KCNQ1: variants seen among roughly 807,000 people sequenced by gnomAD.
The protein encoded by KCNQ1 is potassium voltage-gated channel subfamily Q member 1.
Under a neutral mutation model 72.4 loss-of-function variants are expected in KCNQ1, and 49 were observed. That is an observed-to-expected ratio of 0.68 (90% confidence interval 0.54 to 0.86). KCNQ1 has a LOEUF of 0.86. Among genes scored for constraint, KCNQ1 ranks in the 40% least tolerant of loss-of-function variants. The pLI is 0.00. For synonymous variants in KCNQ1, 450 were observed against 412.6 expected (o/e 1.09, Z -1.10); for missense variants, 790 against 945.1 (o/e 0.84, Z 2.15).
chr11:2,550,832 C>A lies in KCNQ1; in HGVS notation c.478-19796C>A, dbSNP rs1847972340. 6.6e-6 allele frequency among the ~76,000 whole-genome samples: 1 copy of A among 152,020 alleles called. No homozygotes were observed. Among genetic ancestry groups the A allele is most frequent in the Non-Finnish European group, 1.5e-5 (1 of 67,996 alleles). ...CAGGCTTCACCTAGCACCTGGCTCCCCGGGGGCCCAGATGGCAGGCGAGGG... is the reference window on the plus strand; with the variant it reads ...CAGGCTTCACCTAGCACCTGGCTCCACGGGGGCCCAGATGGCAGGCGAGGG... On this transcript the variant is annotated intron_variant, in intron 2 of 15. Coordinates refer to ENST00000155840, the MANE Select transcript of KCNQ1 (RefSeq NM_000218.3). The surrounding 1 kb of genome is among the most constrained non-coding windows in gnomAD (Gnocchi z 6.0).
rs145283993 is a variant in KCNQ1 at position 2,612,914 on chromosome 11, G to C, written c.1393+24060G>C. The stretch of plus-strand genomic sequence containing the variant: ...CTGTTACTCATTTATTTGTTTGCTC[G>C]CTTGTGTATGCCTTCTCTGCATGGA... On this transcript the variant is annotated intron_variant, in intron 10 of 15. Coordinates refer to ENST00000155840, the MANE Select transcript of KCNQ1 (RefSeq NM_000218.3). This position sits in a 1 kb window ranked among gnomAD's most constrained non-coding sequence, Gnocchi z 5.5. 2.5e-6 allele frequency: 1 copy of C among 398,410 alleles called. No homozygotes were observed. The highest frequency in any genetic ancestry group is 4.4e-6 in the Non-Finnish European group (1 of 226,028). The allele number at this position is 398,410 out of a possible 1,614,324, so 24.7% of individuals were successfully genotyped here.
At position 2,713,009 on chromosome 11, in the gene KCNQ1, A is replaced by G. The variant is rs1471021091; in HGVS notation, c.1514+50928A>G. Among the ~76,000 whole-genome samples the G allele has an allele frequency of 6.6e-6, 1 of 152,194 alleles. No homozygotes were observed. The highest frequency in any genetic ancestry group is 1.5e-5 in the Non-Finnish European group (1 of 68,024). ...ATGAGGAACCAGAGACCTGGTAAGTATGAGGAACCACCCCTTGGCATGGGG... is the reference window on the plus strand; with the variant it reads ...ATGAGGAACCAGAGACCTGGTAAGTGTGAGGAACCACCCCTTGGCATGGGG... On this transcript the variant is annotated intron_variant, in intron 11 of 15. Coordinates refer to ENST00000155840, the MANE Select transcript of KCNQ1 (RefSeq NM_000218.3). The surrounding 1 kb of genome is among the most constrained non-coding windows in gnomAD (Gnocchi z 5.6).
At chr11:2,587,519 C>T (rs373905789) in intron 8 of KCNQ1, 51 bp from the exon 9 acceptor site, 10 of 1,611,882 alleles carry the variant, frequency 6.2e-6, no homozygotes, top group Admixed American at 1.7e-5. Context: ...CCATAAGGGC[C>T]CCCGCCGGGT....
intron 1 of KCNQ1, among the ~76,000 whole-genome samples, chr11:2,460,899 G>A (rs1233483874): frequency 6.6e-6 from 1 of 152,234 alleles, no homozygotes; most frequent in Non-Finnish European, 1.5e-5. Flanking sequence ...GCCTGTGCAG[G>A]TGGCCCTCTT....
chr11:2,790,063 T>C (rs1456492262), intron 15 of KCNQ1, among the ~76,000 whole-genome samples: 3 of 152,158 alleles, frequency 2.0e-5, no homozygotes, highest in Non-Finnish European at 4.4e-5. Context: ...TCATATCCCT[T>C]TGACCACCAG....
rs926819967 is a variant in KCNQ1, at chr11:2,745,830, G to C, written c.1515-23014G>C. Reference sequence around the variant, plus strand: ...GGGCCAGGACCAGGAGCAGGCGGCAGCAGCAAGGCAGCTCATCCTCGGCTG... The same window carrying C: ...GGGCCAGGACCAGGAGCAGGCGGCACCAGCAAGGCAGCTCATCCTCGGCTG... On this transcript the variant is annotated intron_variant, in intron 11 of 15. Transcript: ENST00000155840. This position sits in a 1 kb window ranked among gnomAD's most constrained non-coding sequence, Gnocchi z 6.2. Among the ~76,000 whole-genome samples, 5 of 152,268 alleles carry C rather than the reference G, an allele frequency of 3.3e-5. No individual in the cohort carries two copies. The highest frequency in any genetic ancestry group is 1.2e-4 in the African/African-American group (5 of 41,474).
At chr11:2,662,792 T>C (rs950832121) in intron 11 of KCNQ1, 2 of 398,982 alleles carry the variant, frequency 5.0e-6, no homozygotes, top group Admixed American at 8.8e-5. Flanking sequence ...AATGTCTTTG[T>C]GTCAAGATCT....
intron 15 of KCNQ1, among the ~76,000 whole-genome samples, chr11:2,778,859 G>C (rs1458245622): frequency 6.6e-6 from 1 of 152,146 alleles, no homozygotes; most frequent in Non-Finnish European, 1.5e-5. Context: ...CTTCCATCTC[G>C]GCTGCAGCCG....
chr11:2,669,869 G>C lies in KCNQ1; in HGVS notation c.1514+7788G>C. 1 of 398,630 alleles carries C rather than the reference G, an allele frequency of 2.5e-6. No homozygotes were observed. Among genetic ancestry groups the C allele is most frequent in the Non-Finnish European group, 4.4e-6 (1 of 226,088 alleles). The allele number at this position is 398,630 out of a possible 1,614,324, so 24.7% of individuals were successfully genotyped here. A position where few individuals can be genotyped will look rare whatever the true frequency, so the allele number is the denominator to read the frequency against. ...ACAAATGGGGTCACAACATATGGCT[G>C]TCAGCTGCTGTCCTTAATAAGATGT... On this transcript the variant is annotated intron_variant, in intron 11 of 15. Transcript: ENST00000155840. The surrounding 1 kb of genome is among the most constrained non-coding windows in gnomAD (Gnocchi z 5.6).
chr11:2,619,103 G>A, intron 10 of KCNQ1: 1 of 398,370 alleles, frequency 2.5e-6, no homozygotes, highest in Non-Finnish European at 4.4e-6. Context: ...TCTATATGTA[G>A]GATCATGTCA....
chr11:2,456,082 G>C (rs1261381401), intron 1 of KCNQ1, among the ~76,000 whole-genome samples: 1 of 152,204 alleles, frequency 6.6e-6, no homozygotes, highest in Admixed American at 6.6e-5. Context: ...GCTCATGCCT[G>C]TAATCCTAGC....
intron 11 of KCNQ1, among the ~76,000 whole-genome samples, chr11:2,731,335 G>C (rs1038157882): frequency 1.3e-5 from 2 of 152,214 alleles, no homozygotes; most frequent in African/African-American, 4.8e-5. Context: ...AAATGCCCTC[G>C]TCCCACAGTC....
chr11:2,748,998 G>A lies in KCNQ1; in HGVS notation c.1515-19846G>A, dbSNP rs1185835722. Among the ~76,000 whole-genome samples, 1 of 152,236 alleles carries A rather than the reference G, an allele frequency of 6.6e-6. No homozygotes were observed. The highest frequency in any genetic ancestry group is 1.5e-5 in the Non-Finnish European group (1 of 68,042). On this transcript the variant is annotated intron_variant, in intron 11 of 15. Coordinates refer to ENST00000155840, the MANE Select transcript of KCNQ1 (RefSeq NM_000218.3). This position sits in a 1 kb window ranked among gnomAD's most constrained non-coding sequence, Gnocchi z 6.2. Reference sequence around the variant, plus strand: ...AATGGCGGGAGGGGCGAGGCCTCTGGAGCAAGGAAAGAGAGTGGTGGCTGT... The same window carrying A: ...AATGGCGGGAGGGGCGAGGCCTCTGAAGCAAGGAAAGAGAGTGGTGGCTGT...
At chr11:2,470,418 C>G (rs142170232) in intron 1 of KCNQ1, among the ~76,000 whole-genome samples, 2,372 of 152,100 alleles carry the variant, frequency 0.016, 37 homozygotes, top group South Asian at 0.055. Context: ...TTACAGAAGA[C>G]GTATATTGGA....
rs771408348 is a variant in KCNQ1, at chr11:2,809,348, G to A, written c.1794+31311G>A. On this transcript the variant is annotated intron_variant, in intron 15 of 15. Transcript: ENST00000155840. This position sits in a 1 kb window ranked among gnomAD's most constrained non-coding sequence, Gnocchi z 7.1. Reference sequence around the variant, plus strand: ...CGCTGGACTCATCGTGGGTTTTTGCGGTCTTCTCTCAGCTTTGTGTGGTAG... The same window carrying A: ...CGCTGGACTCATCGTGGGTTTTTGCAGTCTTCTCTCAGCTTTGTGTGGTAG... 6.6e-6 allele frequency among the ~76,000 whole-genome samples: 1 copy of A among 152,124 alleles called. No homozygotes were observed. Among genetic ancestry groups the A allele is most frequent in the South Asian group, 2.1e-4 (1 of 4,816 alleles).
chr11:2,660,077 C>G (rs1021121831), intron 10 of KCNQ1: 7 of 398,226 alleles, frequency 1.8e-5, no homozygotes, highest in African/African-American at 1.2e-4. Flanking sequence ...TTTTCTCTTA[C>G]GAGTTAAACT....
Position 2,767,966 on chromosome 11 carries a change from C to T in KCNQ1, c.1515-878C>T, listed in dbSNP as rs1251852387. 1.3e-5 allele frequency among the ~76,000 whole-genome samples: 2 copies of T among 152,222 alleles called. No homozygotes were observed. Among genetic ancestry groups the T allele is most frequent in the Non-Finnish European group, 2.9e-5 (2 of 68,034 alleles). On this transcript the variant is annotated intron_variant, in intron 11 of 15. Coordinates refer to ENST00000155840, the MANE Select transcript of KCNQ1 (RefSeq NM_000218.3). This position sits in a 1 kb window ranked among gnomAD's most constrained non-coding sequence, Gnocchi z 4.6. ...CACCCTGTTGGGTGTCAGTGCTCCCCAAACTGACAAGTGCCCTGAGGAGGA... is the reference window on the plus strand; with the variant it reads ...CACCCTGTTGGGTGTCAGTGCTCCCTAAACTGACAAGTGCCCTGAGGAGGA...
At chr11:2,702,531 C>T (rs921580772) in intron 11 of KCNQ1, among the ~76,000 whole-genome samples, 1 of 152,172 alleles carries the variant, frequency 6.6e-6, no homozygotes, top group African/African-American at 2.4e-5. Context: ...CTTATTTGGT[C>T]TTACACTTAA....
intron 1 of KCNQ1, among the ~76,000 whole-genome samples, chr11:2,487,193 G>A (rs1442650740): frequency 2.0e-5 from 3 of 152,030 alleles, no homozygotes; most frequent in Non-Finnish European, 4.4e-5. Context: ...TTTATGCCAC[G>A]GTTTATTTCT....
Sources: gnomAD v4.1 joint callset for allele counts (sites outside exome capture counted in the v4.1 genomes callset) on GRCh38, gnomAD v4.1.1 for gene constraint, Gnocchi (gnomAD v3.1) non-coding constraint, MANE v1.5 for transcripts, NCBI Gene and HGNC (gene_info 2026-07-23, HGNC 2026-07-21) for gene names.